Variants in ARAP2 observed in about 807,000 individuals in gnomAD.
ARAP2 encodes ArfGAP with RhoGAP domain, ankyrin repeat and PH domain 2, also known as arf-GAP with Rho-GAP domain, ANK repeat and PH domain-containing protein 2.
ARAP2 carries 148 observed loss-of-function variants against 194.5 expected under a neutral mutation model. The observed-to-expected ratio is 0.76, with a 90% CI of 0.67 to 0.87. ARAP2 has a LOEUF of 0.87. ARAP2 is among the 40% of genes least tolerant of loss of function. The pLI, the probability that ARAP2 is intolerant of heterozygous loss-of-function variation, is 0.00. For synonymous variants in ARAP2, 695 were observed against 683.5 expected (o/e 1.02, Z -0.26); for missense variants, 2,128 against 1,989.7 (o/e 1.07, Z -1.32).
intron 2 of ARAP2, among the ~76,000 whole-genome samples, chr4:36,057,484 C>T (rs1723714918): frequency 6.6e-6 from 1 of 151,992 alleles, no homozygotes; most frequent in East Asian, 1.9e-4. Flanking sequence ...CTAGATAACA[C>T]ATTATATATA....
rs1212029998 is a variant in ARAP2, at chr4:36,210,751, G to GA, written c.1134-9dup. 18 of 1,541,732 alleles carry GA rather than the reference G, an allele frequency of 1.2e-5. No individual in the cohort carries two copies. The highest frequency in any genetic ancestry group is 2.0e-5 in the Admixed American group (1 of 49,184). ...TTTCTGTTATCGTATATGCTAAACG[G>GA]AAAAATGATGTAAACATTTCAAAGT... On this transcript the variant is annotated splice_polypyrimidine_tract_variant and intron_variant, in intron 5 of 32. Transcript: ENST00000303965.
intron 6 of ARAP2, among the ~76,000 whole-genome samples, chr4:36,199,915 T>C (rs1055250251): frequency 6.6e-6 from 1 of 152,220 alleles, no homozygotes; most frequent in African/African-American, 2.4e-5. Flanking sequence ...TCACAATATA[T>C]AGGGATATCA....
chr4:36,105,561 A>C (rs1464769815), intron 27 of ARAP2, among the ~76,000 whole-genome samples: 3 of 151,908 alleles, frequency 2.0e-5, no homozygotes, highest in African/African-American at 7.2e-5. Flanking sequence ...GAAAACACCA[A>C]ATCTTCCTAC....
intron 6 of ARAP2, among the ~76,000 whole-genome samples, chr4:36,203,454 T>G (rs1190020756): frequency 6.6e-6 from 1 of 151,926 alleles, no homozygotes; most frequent in Non-Finnish European, 1.5e-5. Flanking sequence ...CATGGTGATG[T>G]GTGCCTGTAA....
intron 9 of ARAP2, among the ~76,000 whole-genome samples, chr4:36,177,444 A>C (rs1418261765): frequency 6.6e-6 from 1 of 152,180 alleles, no homozygotes; most frequent in Non-Finnish European, 1.5e-5. Context: ...TTTCTATCAC[A>C]AAAAATAAAA....
At chr4:36,038,264 A>AT (rs562818746) in intron 5 of ARAP2, among the ~76,000 whole-genome samples, 8 of 152,096 alleles carry the variant, frequency 5.3e-5, no homozygotes, top group Admixed American at 1.3e-4. Flanking sequence ...TATGCCAAAT[A>AT]TTTTTTCTAA....
intron 1 of ARAP2, among the ~76,000 whole-genome samples, chr4:36,060,348 TC>T: frequency 6.6e-6 from 1 of 152,284 alleles, no homozygotes; most frequent in East Asian, 1.9e-4. Flanking sequence ...TTTTGCTGAG[TC>T]ACAATTTTGA....
intron 28 of ARAP2, among the ~76,000 whole-genome samples, chr4:36,089,038 T>C (rs2109374094): frequency 6.6e-6 from 1 of 152,234 alleles, no homozygotes; most frequent in African/African-American, 2.4e-5. Context: ...GAGTTGTTGC[T>C]GCATACCCCC....
At position 36,024,986 on chromosome 4, in the gene ARAP2, A is replaced by G. The variant is rs369498635; in HGVS notation, n.608-5700T>C. ...ATTTTCTCCAGTGTCATTATAGTTT[A>G]TAACGAATCAGGTCAGAAAATGTAC... On this transcript the variant is annotated intron_variant and non_coding_transcript_variant, in intron 5 of 12. Coordinates refer to the ARAP2 transcript ENST00000503225. Among the ~76,000 whole-genome samples the G allele has an allele frequency of 1.2e-3, 186 of 152,280 alleles. 4 individuals are homozygous for G. Among genetic ancestry groups the G allele is most frequent in the South Asian group, 7.9e-3 (38 of 4,816 alleles).
At chr4:36,141,452 G>A (rs1014742916) in intron 19 of ARAP2, among the ~76,000 whole-genome samples, 1 of 151,608 alleles carries the variant, frequency 6.6e-6, no homozygotes, top group African/African-American at 2.4e-5. Flanking sequence ...AATGCTGTGT[G>A]TGTGGAAAAT....
In ARAP2 at chr4:36,165,090, T is replaced by C. The variant is rs1450716756; in HGVS notation, c.1997A>G (p.Glu666Gly). The C allele has an allele frequency of 1.2e-6, 2 of 1,613,986 alleles. No homozygotes were observed. The highest frequency in any genetic ancestry group is 4.5e-5 in the East Asian group (2 of 44,892). Residue 666 changes from glutamate to glycine, a missense_variant, in exon 11 of 33, where the codon GAG becomes GGG. Transcript: ENST00000303965. ...CACAGCTTCAATCCAGTCTTGTTTC[T>C]CCTTTTCAGTCTCGGCTGTAAAGCT... ...SFSFTAETEK[E>G]KQDWIEAVQQ...
chr4:36,204,947 C>CACTG (rs1377677934), intron 6 of ARAP2, among the ~76,000 whole-genome samples: 1 of 113,410 alleles, frequency 8.8e-6, no homozygotes, highest in African/African-American at 3.5e-5. Context: ...AAGATCAAGC[C>CACTG]ACTGCACTCC....
At chr4:36,099,502 G>A (rs926509593) in intron 27 of ARAP2, among the ~76,000 whole-genome samples, 2 of 152,084 alleles carry the variant, frequency 1.3e-5, no homozygotes, top group African/African-American at 4.8e-5. Context: ...TATAAAGGAA[G>A]AGAAAATTCA....
At position 36,115,686 on chromosome 4, in the gene ARAP2, C is replaced by T. The variant is rs139270645; in HGVS notation, c.4038+1375G>A. 2.8e-4 allele frequency among the ~76,000 whole-genome samples: 42 copies of T among 152,106 alleles called. 1 individual carries two copies. In the East Asian group the frequency reaches 6.6e-3, roughly 24 times the overall value. On this transcript the variant is annotated intron_variant, in intron 25 of 32. Coordinates refer to ENST00000303965, the MANE Select transcript of ARAP2 (RefSeq NM_015230.4). Reference sequence around the variant, plus strand: ...CTTAGTATTCTTACTTCCCAGTTTCCATTCTTATAAACTCGGAACATCACC... The same window carrying T: ...CTTAGTATTCTTACTTCCCAGTTTCTATTCTTATAAACTCGGAACATCACC...
At chr4:36,080,081 G>T in intron 31 of ARAP2, 135 bp downstream of exon 31, 1 of 638,574 alleles carries the variant, frequency 1.6e-6, no homozygotes. Context: ...CTAAGAATGA[G>T]AGAATCAAAG....
chr4:36,231,529 ATGTAT>A (rs1233213467), intron 1 of ARAP2, among the ~76,000 whole-genome samples: 1 of 152,194 alleles, frequency 6.6e-6, no homozygotes, highest in Non-Finnish European at 1.5e-5. Context: ...AGTGGACATA[ATGTAT>A]TCAGCCACTT....
chr4:36,170,603 T>A (rs1001242438), intron 9 of ARAP2, among the ~76,000 whole-genome samples: 1 of 152,238 alleles, frequency 6.6e-6, no homozygotes, highest in Admixed American at 6.5e-5. Context: ...AACTCCTGCA[T>A]TAACGTCCAG....
rs1011973639 is a variant in ARAP2, at chr4:36,075,126, T to A, written c.4609-1303A>T. 3.9e-5 allele frequency among the ~76,000 whole-genome samples: 6 copies of A among 152,234 alleles called. No individual in the cohort carries two copies. In the South Asian group the frequency reaches 1.0e-3, roughly 26 times the overall value. The stretch of plus-strand genomic sequence containing the variant: ...ATATAATTGTGATGTTCCCAAAACA[T>A]AAACCTGGGAGAAAACTGACTGAGA... On this transcript the variant is annotated intron_variant, in intron 31 of 32. Coordinates refer to ENST00000303965, the MANE Select transcript of ARAP2 (RefSeq NM_015230.4).
At chr4:36,141,637 G>A (rs1487867714) in intron 19 of ARAP2, among the ~76,000 whole-genome samples, 1 of 151,636 alleles carries the variant, frequency 6.6e-6, no homozygotes, top group African/African-American at 2.4e-5. Context: ...AAACATTAAT[G>A]TAGTTTAGCA....
Sources: allele counts gnomAD v4.1 joint callset (sites outside exome capture counted in the v4.1 genomes callset), GRCh38; gene constraint gnomAD v4.1.1; transcripts MANE v1.5; gene names NCBI Gene and HGNC (gene_info 2026-07-23, HGNC 2026-07-21).